Variants in TBC1D19 observed in about 807,000 individuals in gnomAD.
TBC1D19 encodes TBC1 domain family member 19, also known as TBC1 domain family, member 19.
TBC1D19 carries 60 observed loss-of-function variants against 89.0 expected under a neutral mutation model. The observed-to-expected ratio is 0.67, with a 90% CI of 0.55 to 0.84. The LOEUF is 0.84. TBC1D19 is among the 40% of genes least tolerant of loss of function. The probability of loss-of-function intolerance (pLI) is 0.00; values close to 1 mark genes in which losing one functional copy is unlikely to be tolerated. For synonymous variants in TBC1D19, 189 were observed against 199.7 expected (o/e 0.95, Z 0.45); for missense variants, 500 against 610.8 (o/e 0.82, Z 1.91).
chr4:26,839,664 G>A, the TBC1D19 span, among the ~76,000 whole-genome samples: 2 of 151,248 alleles, frequency 1.3e-5, no homozygotes, highest in East Asian at 1.9e-4. Flanking sequence ...TCACTTATCC[G>A]CCCACTGCCA....
intron 11 of TBC1D19, among the ~76,000 whole-genome samples, chr4:26,679,544 G>A (rs1305297244): frequency 6.6e-6 from 1 of 152,214 alleles, no homozygotes; most frequent in Non-Finnish European, 1.5e-5. Flanking sequence ...AGTACAGAAG[G>A]GAAATGTGGG....
intron 20 of TBC1D19, chr4:26,754,191 T>A (rs1051437008): frequency 1.1e-5 from 3 of 275,878 alleles, no homozygotes; most frequent in African/African-American, 6.4e-5. Flanking sequence ...TGCATTTTTT[T>A]ATCGTTCATG....
intron 7 of TBC1D19, among the ~76,000 whole-genome samples, chr4:26,641,018 A>G (rs1389722862): frequency 2.0e-5 from 3 of 152,118 alleles, no homozygotes; most frequent in Admixed American, 2.0e-4. Flanking sequence ...GACTTAAAAC[A>G]TCCCTGTCTG....
the TBC1D19 span, among the ~76,000 whole-genome samples, chr4:26,814,092 T>A: frequency 6.6e-6 from 1 of 151,994 alleles, no homozygotes; most frequent in Admixed American, 6.6e-5. Context: ...AGCCCACACC[T>A]CGTAAGCAGC....
chr4:26,772,247 C>G, the TBC1D19 span, among the ~76,000 whole-genome samples: 1 of 151,506 alleles, frequency 6.6e-6, no homozygotes, highest in Non-Finnish European at 1.5e-5. Flanking sequence ...TAGGCAATTA[C>G]AAAGGCTTTA....
chr4:26,788,284 C>G, the TBC1D19 span, among the ~76,000 whole-genome samples: 36 of 152,116 alleles, frequency 2.4e-4, no homozygotes, highest in Admixed American at 5.9e-4. Context: ...GCAGCAGAGT[C>G]AAGGGGAGCG....
chr4:26,828,060 T>C, the TBC1D19 span, among the ~76,000 whole-genome samples: 2 of 152,302 alleles, frequency 1.3e-5, no homozygotes, highest in Admixed American at 1.3e-4. Context: ...ACTCCCCAGC[T>C]CTGGCCCTGA....
intron 4 of TBC1D19, among the ~76,000 whole-genome samples, chr4:26,634,691 G>A (rs1743018926): frequency 6.6e-6 from 1 of 151,946 alleles, no homozygotes; most frequent in South Asian, 2.1e-4. Context: ...ATAGTTTTGT[G>A]TATACTTTAC....
the TBC1D19 span, among the ~76,000 whole-genome samples, chr4:26,820,480 C>A: frequency 2.6e-5 from 4 of 152,222 alleles, no homozygotes; most frequent in East Asian, 7.7e-4. Context: ...TTCGACCAAG[C>A]ATAACATCCT....
At chr4:26,596,103 C>T (rs867041359) in intron 1 of TBC1D19, among the ~76,000 whole-genome samples, 54 of 151,932 alleles carry the variant, frequency 3.6e-4, no homozygotes, top group African/African-American at 1.2e-3. Context: ...ATTACAGGTG[C>T]GTGCTACCAT....
At chr4:26,676,491 G>C (rs193017771) in intron 11 of TBC1D19, among the ~76,000 whole-genome samples, 1 of 152,092 alleles carries the variant, frequency 6.6e-6, no homozygotes, top group African/African-American at 2.4e-5. Flanking sequence ...GCTGAGCCAG[G>C]TGAATCACCT....
chr4:26,749,773 T>C (rs979379698), intron 19 of TBC1D19, among the ~76,000 whole-genome samples: 16 of 152,066 alleles, frequency 1.1e-4, no homozygotes, highest in African/African-American at 3.6e-4. Flanking sequence ...TGCTGAGAAG[T>C]CTATAGTTAT....
chr4:26,649,788 T>A (rs1744214920), intron 7 of TBC1D19, among the ~76,000 whole-genome samples: 1 of 152,122 alleles, frequency 6.6e-6, no homozygotes, highest in Non-Finnish European at 1.5e-5. Flanking sequence ...TGTATACATG[T>A]GCCATGTAGG....
At chr4:26,589,970 C>T (rs1243264157) in intron 1 of TBC1D19, among the ~76,000 whole-genome samples, 1 of 152,154 alleles carries the variant, frequency 6.6e-6, no homozygotes, top group Non-Finnish European at 1.5e-5. Flanking sequence ...TGTATGGGCA[C>T]CTGGCATAGA....
At chr4:26,578,019 T>G (rs1739007519) in intron 1 of TBC1D19, among the ~76,000 whole-genome samples, 2 of 152,226 alleles carry the variant, frequency 1.3e-5, no homozygotes, top group South Asian at 4.1e-4. Flanking sequence ...TGTCAAACAC[T>G]TAATTCAGTG....
rs1719192629 is a variant in TBC1D19, at chr4:26,755,066, C to A, written c.*119C>A. 2 of 851,202 alleles carry A rather than the reference C, an allele frequency of 2.3e-6. No homozygotes were observed. The allele number at this position is 851,202 out of a possible 1,614,324, so 52.7% of individuals were successfully genotyped here. On this transcript the variant is annotated 3_prime_UTR_variant, in exon 21 of 21. Coordinates refer to ENST00000264866, the MANE Select transcript of TBC1D19 (RefSeq NM_018317.4). Reference sequence around the variant, plus strand: ...CATATAAGCCAATAAAGATCATGTTCCCTCTTCAGTTAAACCTAAGTAGTT... The same window carrying A: ...CATATAAGCCAATAAAGATCATGTTACCTCTTCAGTTAAACCTAAGTAGTT...
At chr4:26,777,730 T>C in the TBC1D19 span, among the ~76,000 whole-genome samples, 1 of 152,166 alleles carries the variant, frequency 6.6e-6, no homozygotes, top group Non-Finnish European at 1.5e-5. Context: ...ATTACAGGTC[T>C]GAACCAATGC....
intron 13 of TBC1D19, among the ~76,000 whole-genome samples, chr4:26,695,686 G>A (rs952257041): frequency 3.9e-5 from 6 of 152,232 alleles, no homozygotes; most frequent in South Asian, 2.1e-4. Flanking sequence ...AAGCCAGAAG[G>A]GAGTGGGGGC....
intron 13 of TBC1D19, among the ~76,000 whole-genome samples, chr4:26,709,288 A>G (rs984768418): frequency 1.3e-5 from 2 of 151,910 alleles, no homozygotes; most frequent in African/African-American, 4.8e-5. Flanking sequence ...CCCCTTATAC[A>G]CAGTTGTTTT....
Sources: gnomAD v4.1 joint callset for allele counts (sites outside exome capture counted in the v4.1 genomes callset) on GRCh38, gnomAD v4.1.1 for gene constraint, MANE v1.5 for transcripts, NCBI Gene and HGNC (gene_info 2026-07-23, HGNC 2026-07-21) for gene names.